The following ABLIM2 variants were observed in gnomAD, a reference collection of about 807,000 sequenced individuals.
ABLIM2 encodes the protein actin-binding LIM protein 2.
A neutral mutation model predicts 97.7 loss-of-function variants in ABLIM2; 53 were observed. The ratio of observed to expected loss-of-function variants is 0.54; its 90% CI spans 0.44 to 0.68. The LOEUF (loss-of-function observed/expected upper bound fraction) is 0.68. ABLIM2 is among the 30% of genes least tolerant of loss of function. ABLIM2 has a pLI of 0.00. For synonymous variants in ABLIM2, 361 were observed against 345.8 expected, an observed-to-expected ratio of 1.04 and a Z score of -0.49; for missense variants, 835 against 867.2, an observed-to-expected ratio of 0.96 and a Z score of 0.47.
intron 6 of ABLIM2, chr4:8,066,385 G>GGAAGGAAA (rs1807607218): frequency 1.0e-5 from 1 of 99,352 alleles, no homozygotes; most frequent in Non-Finnish European, 2.2e-5. Context: ...AAGGAAGGAA[G>GGAAGGAAA]GAAGGAAGGA....
Position 8,061,264 on chromosome 4 carries a change from G to T in ABLIM2, c.676-210C>A, listed in dbSNP as rs1802878840. 6.6e-6 allele frequency among the ~76,000 whole-genome samples: 1 copy of T among 152,136 alleles called. No individual in the cohort carries two copies. Among genetic ancestry groups the T allele is most frequent in the African/African-American group, 2.4e-5 (1 of 41,438 alleles). On this transcript the variant is annotated intron_variant, in intron 6 of 20. Transcript: ENST00000447017. The surrounding 1 kb of genome is among the most constrained non-coding windows in gnomAD (Gnocchi z 4.5). The stretch of plus-strand genomic sequence containing the variant: ...GTCCAAGGCGCCCTGTGGGGAGGCA[G>T]GGGGAGACCTGGCTGCACTTGCCCA...
At chr4:8,146,034 G>T (rs1334995674) in intron 1 of ABLIM2, among the ~76,000 whole-genome samples, 2 of 152,152 alleles carry the variant, frequency 1.3e-5, no homozygotes, top group Non-Finnish European at 2.9e-5. Context: ...AAGGAAAATT[G>T]CCCATGATCC....
At position 7,999,309 on chromosome 4, in the gene ABLIM2, C is replaced by T. The variant is rs996679846; in HGVS notation, c.1619-6382G>A. On this transcript the variant is annotated intron_variant, in intron 16 of 20. Coordinates refer to ENST00000447017, the MANE Select transcript of ABLIM2 (RefSeq NM_001130083.2). This position sits in a 1 kb window ranked among gnomAD's most constrained non-coding sequence, Gnocchi z 4.4. ...CCGACCTCAGGTGATCTGCCTGCCT[C>T]GGCCTCCAAAAATGCTGAGATTACA... Among the ~76,000 whole-genome samples the T allele has an allele frequency of 3.3e-5, 5 of 152,272 alleles. No individual in the cohort carries two copies. The highest frequency in any genetic ancestry group is 5.9e-5 in the Non-Finnish European group (4 of 68,030).
At chr4:7,980,412 A>T (rs1000770969) in intron 20 of ABLIM2, among the ~76,000 whole-genome samples, 1 of 152,138 alleles carries the variant, frequency 6.6e-6, no homozygotes, top group African/African-American at 2.4e-5. Context: ...ATTTTTTGGC[A>T]TATTTTAAAA....
rs1578317370 is a variant in ABLIM2 at position 8,001,378 on chromosome 4, A to C, written c.1618+6681T>G. On this transcript the variant is annotated intron_variant, in intron 16 of 20. Coordinates refer to ENST00000447017, the MANE Select transcript of ABLIM2 (RefSeq NM_001130083.2). The surrounding 1 kb of genome is among the most constrained non-coding windows in gnomAD (Gnocchi z 4.2). ...CTAGGTGTGGATAAGCCTGCTGGGCAGGGGGAGGTGTGGGGATTCCGGCTG... is the reference window on the plus strand; with the variant it reads ...CTAGGTGTGGATAAGCCTGCTGGGCCGGGGGAGGTGTGGGGATTCCGGCTG... Among the ~76,000 whole-genome samples the C allele has an allele frequency of 6.6e-6, 1 of 152,116 alleles. No individual in the cohort carries two copies. The highest frequency in any genetic ancestry group is 1.9e-4 in the East Asian group (1 of 5,190).
intron 14 of ABLIM2, among the ~76,000 whole-genome samples, chr4:8,017,722 A>G (rs1306275810): frequency 6.6e-6 from 1 of 152,226 alleles, no homozygotes; most frequent in Non-Finnish European, 1.5e-5. Flanking sequence ...GGCCAGGTGC[A>G]GCGGCTCACC....
At position 8,072,688 on chromosome 4, in the gene ABLIM2, C is replaced by T. The variant is rs1577174857; in HGVS notation, c.675+4940G>A. On this transcript the variant is annotated intron_variant, in intron 6 of 20. Transcript: ENST00000447017. The surrounding 1 kb of genome is among the most constrained non-coding windows in gnomAD (Gnocchi z 5.8). Reference sequence around the variant, plus strand: ...CCACCGACTCTCAGTGGCTGATGGCCGGGCACGTGGGTGGATCCAGCTGGA... The same window carrying T: ...CCACCGACTCTCAGTGGCTGATGGCTGGGCACGTGGGTGGATCCAGCTGGA... Among the ~76,000 whole-genome samples, 2 of 152,330 alleles carry T rather than the reference C, an allele frequency of 1.3e-5. No individual in the cohort carries two copies. Among genetic ancestry groups the T allele is most frequent in the African/African-American group, 2.4e-5 (1 of 41,582 alleles).
At chr4:8,048,631 G>T (rs895353259) in intron 8 of ABLIM2, among the ~76,000 whole-genome samples, 2 of 152,176 alleles carry the variant, frequency 1.3e-5, no homozygotes, top group South Asian at 2.1e-4. Context: ...CATTCAGCCG[G>T]AACGGCCCCG....
Position 8,113,920 on chromosome 4 carries a change from G to T in ABLIM2, c.11-7283C>A. On this transcript the variant is annotated intron_variant, in intron 1 of 20. Coordinates refer to ENST00000447017, the MANE Select transcript of ABLIM2 (RefSeq NM_001130083.2). This position sits in a 1 kb window ranked among gnomAD's most constrained non-coding sequence, Gnocchi z 4.5. Reference sequence around the variant, plus strand: ...GCAATACAGAGAGGGGCACAGGGCTGTGTGCAGGCACAGCAGGGAGATGAA... The same window carrying T: ...GCAATACAGAGAGGGGCACAGGGCTTTGTGCAGGCACAGCAGGGAGATGAA... 6.6e-6 allele frequency among the ~76,000 whole-genome samples: 1 copy of T among 151,636 alleles called. No homozygotes were observed. Among genetic ancestry groups the T allele is most frequent in the Non-Finnish European group, 1.5e-5 (1 of 67,864 alleles).
intron 2 of ABLIM2, among the ~76,000 whole-genome samples, chr4:8,102,579 G>A (rs551712465): frequency 6.6e-6 from 1 of 152,168 alleles, no homozygotes; most frequent in Non-Finnish European, 1.5e-5. Flanking sequence ...AAACTGGGTT[G>A]AGACACCTGC....
At chr4:7,979,047 C>T (rs1356755376) in intron 20 of ABLIM2, among the ~76,000 whole-genome samples, 1 of 152,246 alleles carries the variant, frequency 6.6e-6, no homozygotes, top group Non-Finnish European at 1.5e-5. Context: ...CTTCTCCACC[C>T]ACCTGGTGCT....
chr4:8,066,801 C>T (rs1808166866), intron 6 of ABLIM2: 2 of 151,734 alleles, frequency 1.3e-5, no homozygotes, highest in Non-Finnish European at 2.9e-5. Flanking sequence ...CTCGGGGTGA[C>T]GAAAAAGTTT....
chr4:8,051,079 G>T (rs1795709396), intron 8 of ABLIM2, among the ~76,000 whole-genome samples: 2 of 152,246 alleles, frequency 1.3e-5, no homozygotes, highest in East Asian at 3.9e-4. Flanking sequence ...TGAAGCTGTT[G>T]CTGCCGCCTG....
intron 1 of ABLIM2, among the ~76,000 whole-genome samples, chr4:8,156,798 C>G (rs1392972391): frequency 6.6e-6 from 1 of 152,214 alleles, no homozygotes; most frequent in African/African-American, 2.4e-5. Flanking sequence ...ACACAGTGGC[C>G]GGACGTTAGA....
chr4:8,015,950 A>G lies in ABLIM2; in HGVS notation c.1423+3668T>C, dbSNP rs777029903. Among the ~76,000 whole-genome samples, 5 of 151,602 alleles carry G rather than the reference A, an allele frequency of 3.3e-5. No individual in the cohort carries two copies. Among genetic ancestry groups the G allele is most frequent in the Non-Finnish European group, 7.4e-5 (5 of 67,962 alleles). On this transcript the variant is annotated intron_variant, in intron 14 of 20. Transcript: ENST00000447017. The surrounding 1 kb of genome is among the most constrained non-coding windows in gnomAD (Gnocchi z 4.6). ...AGCAAATCGATGATAAAATCACCACACTTCCTCATTTTATAAGTTCAAATC... is the reference window on the plus strand; with the variant it reads ...AGCAAATCGATGATAAAATCACCACGCTTCCTCATTTTATAAGTTCAAATC...
intron 10 of ABLIM2, among the ~76,000 whole-genome samples, chr4:8,034,419 G>A (rs1782898015): frequency 6.7e-6 from 1 of 148,690 alleles, no homozygotes; most frequent in Non-Finnish European, 1.5e-5. Flanking sequence ...GTGGGTGGTA[G>A]ACAGGTGCAG....
intron 18 of ABLIM2, among the ~76,000 whole-genome samples, chr4:7,984,334 C>T (rs975832297): frequency 3.3e-5 from 5 of 152,318 alleles, no homozygotes; most frequent in East Asian, 1.9e-4. Context: ...AAGGCTCCCC[C>T]GCCACTCGCG....
rs79811298 is a variant in ABLIM2, at chr4:8,149,311, G to A, written c.10+9369C>T. 1.4e-4 allele frequency among the ~76,000 whole-genome samples: 22 copies of A among 152,260 alleles called. No individual in the cohort carries two copies. The East Asian group carries it at 1.9e-3, about 13-fold the overall frequency. On this transcript the variant is annotated intron_variant, in intron 1 of 20. Transcript: ENST00000447017. This position sits in a 1 kb window ranked among gnomAD's most constrained non-coding sequence, Gnocchi z 6.4. ...GTCGCATATGAACAGTCATTTTGCC[G>A]CATGAGGTCACATAGTCACAGGGCC...
intron 10 of ABLIM2, among the ~76,000 whole-genome samples, chr4:8,031,161 T>C (rs1024600952): frequency 1.3e-5 from 2 of 152,184 alleles, no homozygotes; most frequent in Admixed American, 1.3e-4. Context: ...CCCAGTAAGG[T>C]TGGCCGAGGT....
Sources: gnomAD v4.1 joint callset for allele counts (sites outside exome capture counted in the v4.1 genomes callset) on GRCh38, gnomAD v4.1.1 for gene constraint, Gnocchi (gnomAD v3.1) non-coding constraint, MANE v1.5 for transcripts, NCBI Gene and HGNC (gene_info 2026-07-23, HGNC 2026-07-21) for gene names.